Variants in LONRF3 observed in about 807,000 individuals in gnomAD.
LONRF3 encodes the protein LON peptidase N-terminal domain and ring finger 3, also known as LON peptidase N-terminal domain and RING finger protein 3.
LONRF3 carries 19 observed loss-of-function variants against 51.7 expected under a neutral mutation model. The ratio of observed to expected loss-of-function variants is 0.37; its 90% confidence interval spans 0.26 to 0.54. The LOEUF is 0.54. Among genes scored for constraint, LONRF3 ranks in the 20% least tolerant of loss-of-function variants. The pLI is 0.86. For synonymous variants in LONRF3, 265 were observed against 257.8 expected (o/e 1.03, Z -0.27); for missense variants, 521 against 623.9 (o/e 0.84, Z 1.76).
At position 118,980,010 on chromosome X, in the gene LONRF3, A is replaced by G. The variant is rs955537733; in HGVS notation, c.936+1547A>G. On this transcript the variant is annotated intron_variant, in intron 2 of 10. Coordinates refer to ENST00000371628, the MANE Select transcript of LONRF3 (RefSeq NM_001031855.3). ...AGGTGGCTTCACTCTCTGAACCCCA[A>G]GTATCCTTGTTTGCAAAATGAAGCT... Among the ~76,000 whole-genome samples the G allele has an allele frequency of 8.9e-5, 10 of 112,401 alleles. No individual in the cohort carries two copies. In the South Asian group the frequency reaches 3.3e-3, roughly 37 times the overall value.
chrX:118,986,284 G>A (rs1319325256), intron 3 of LONRF3, among the ~76,000 whole-genome samples: 1 of 112,031 alleles, frequency 8.9e-6, no homozygotes, highest in African/African-American at 3.2e-5. Context: ...GCAAAGGCCA[G>A]CATAGGGGAG....
chrX:119,009,370 TGAGA>T, intron 7 of LONRF3, 123 bp downstream of exon 7: 3 of 718,576 alleles, frequency 4.2e-6, no homozygotes, highest in East Asian at 3.5e-5. Flanking sequence ...TTGGCTATGG[TGAGA>T]GTATTTACAC....
chrX:118,999,470 A>T (rs948484398), intron 5 of LONRF3, among the ~76,000 whole-genome samples: 3 of 105,199 alleles, frequency 2.9e-5, no homozygotes, highest in African/African-American at 1.2e-4. Context: ...TGTGGAGTAG[A>T]CTTGACTTAG....
chrX:119,016,434 G>A (rs766947625), intron 10 of LONRF3, among the ~76,000 whole-genome samples: 5 of 101,242 alleles, frequency 4.9e-5, no homozygotes, highest in Admixed American at 3.3e-4. Context: ...TGCAAGCTCC[G>A]CCTCCCAGGT....
At chrX:119,014,904 C>T (rs1156681215) in intron 10 of LONRF3, among the ~76,000 whole-genome samples, 1 of 111,968 alleles carries the variant, frequency 8.9e-6, no homozygotes, top group Non-Finnish European at 1.9e-5. Context: ...TAGACCCTTG[C>T]TATTGTCCTC....
intron 1 of LONRF3, 71 bp downstream of exon 1, chrX:118,975,668 C>A: frequency 1.1e-6 from 1 of 911,550 alleles, no homozygotes; most frequent in Non-Finnish European, 1.5e-6. Flanking sequence ...GAACAAACCC[C>A]GCAGCGAGAA....
At chrX:118,987,457 T>TTTTG (rs1923086225) in intron 3 of LONRF3, among the ~76,000 whole-genome samples, 1 of 87,886 alleles carries the variant, frequency 1.1e-5, no homozygotes, top group African/African-American at 4.2e-5. Flanking sequence ...TTTTTTTTTT[T>TTTTG]TTTTTTTTTT....
Position 118,975,108 on chromosome X carries a change from T to C in LONRF3, c.328T>C (p.Cys110Arg), listed in dbSNP as rs778527615. 2.0e-5 allele frequency: 23 copies of C among 1,169,696 alleles called. No homozygotes were observed. Among genetic ancestry groups the C allele is most frequent in the Admixed American group, 1.0e-4 (4 of 39,410 alleles). Residue 110 changes from cysteine (C) to arginine (R), a missense_variant, in exon 1 of 11, where the codon TGC becomes CGC. Cys to Arg is a radical substitution (Grantham distance 180). Around this residue, in one of 2 missense-constraint regions of LONRF3, gnomAD observed 376 missense variants for 376.7 expected, o/e 1.00. Transcript: ENST00000371628. Reference protein sequence around the residue: ...VAEQLEQLVRCLAEKVPQGEA... With the variant: ...VAEQLEQLVRRLAEKVPQGEA... Reference sequence around the variant, plus strand: ...TGAGCAGCTGGAGCAGCTGGTGCGCTGCCTGGCGGAGAAAGTCCCGCAAGG... The same window carrying C: ...TGAGCAGCTGGAGCAGCTGGTGCGCCGCCTGGCGGAGAAAGTCCCGCAAGG...
chrX:118,983,217 A>G (rs753000900), intron 3 of LONRF3, among the ~76,000 whole-genome samples: 2 of 111,963 alleles, frequency 1.8e-5, no homozygotes, highest in South Asian at 3.8e-4. Flanking sequence ...CTGGATTGTC[A>G]GTGGGAGAAA....
intron 5 of LONRF3, among the ~76,000 whole-genome samples, chrX:118,994,408 AT>A (rs34083222): frequency 4.6e-4 from 48 of 103,239 alleles, no homozygotes; most frequent in African/African-American, 1.1e-3. Flanking sequence ...GACAAAACAA[AT>A]TTTTTTTTTT....
intron 3 of LONRF3, among the ~76,000 whole-genome samples, chrX:118,987,464 T>TG (rs1356740623): frequency 1.1e-5 from 1 of 91,574 alleles, no homozygotes; most frequent in African/African-American, 4.0e-5. Flanking sequence ...TTTTTTTTTT[T>TG]TTTTTTTTTG....
intron 7 of LONRF3, among the ~76,000 whole-genome samples, chrX:119,010,984 T>C (rs984944454): frequency 1.1e-4 from 12 of 109,725 alleles, no homozygotes; most frequent in Admixed American, 9.7e-4. Context: ...CATGGTGGCA[T>C]GCACCTGTAA....
At chrX:118,987,425 G>A (rs1390442696) in intron 3 of LONRF3, among the ~76,000 whole-genome samples, 1 of 93,209 alleles carries the variant, frequency 1.1e-5, no homozygotes, top group Non-Finnish European at 2.1e-5. Context: ...CTATAGGCAC[G>A]TGCCACCATG....
intron 5 of LONRF3, among the ~76,000 whole-genome samples, chrX:118,996,262 G>A (rs1923860141): frequency 9.0e-6 from 1 of 111,294 alleles, no homozygotes; most frequent in Non-Finnish European, 1.9e-5. Context: ...AACAAGACAA[G>A]GATGCCCACT....
chrX:118,992,457 G>A (rs907049370), intron 5 of LONRF3, among the ~76,000 whole-genome samples: 4 of 110,483 alleles, frequency 3.6e-5, no homozygotes, highest in African/African-American at 1.3e-4. Context: ...ATCCTCCTAG[G>A]TACACAACTC....
At chrX:118,993,044 TCTGACA>T (rs1244793101) in intron 5 of LONRF3, among the ~76,000 whole-genome samples, 5 of 111,147 alleles carry the variant, frequency 4.5e-5, no homozygotes, top group African/African-American at 1.6e-4. Context: ...AGACCTTCCC[TCTGACA>T]GAGCCTACCC....
At position 118,975,509 on chromosome X, in the gene LONRF3, G is replaced by A. The variant is rs762880049; in HGVS notation, c.729G>A (p.Ala243=). 7.5e-6 allele frequency: 9 copies of A among 1,203,764 alleles called. No homozygotes were observed. The South Asian group carries it at 8.9e-5, about 12-fold the overall frequency. Residue 243 remains alanine, a synonymous_variant, in exon 1 of 11, where the codon GCG becomes GCA. Coordinates refer to ENST00000371628, the MANE Select transcript of LONRF3 (RefSeq NM_001031855.3). ...LGKLFPGPAR[A]SQLRHEGNRL... ...AGTTGTTTCCAGGCCCAGCGCGAGC[G>A]TCGCAACTCCGGCACGAGGGCAACC...
At chrX:118,991,890 T>C (rs962292233) in intron 5 of LONRF3, among the ~76,000 whole-genome samples, 14 of 110,926 alleles carry the variant, frequency 1.3e-4, no homozygotes, top group Non-Finnish European at 2.5e-4. Flanking sequence ...AGACCAGAGG[T>C]CCAGAAGGAA....
intron 3 of LONRF3, among the ~76,000 whole-genome samples, chrX:118,983,773 C>T (rs749049812): frequency 8.9e-6 from 1 of 111,939 alleles, no homozygotes; most frequent in East Asian, 2.8e-4. Flanking sequence ...TGTGGTTTGG[C>T]AGAGCAGTGG....
Sources: allele counts gnomAD v4.1 joint callset (sites outside exome capture counted in the v4.1 genomes callset), GRCh38; gene constraint gnomAD v4.1.1; regional missense constraint gnomAD v4.1.1; transcripts MANE v1.5; gene names NCBI Gene and HGNC (gene_info 2026-07-23, HGNC 2026-07-21).